GALNT18: variants seen among roughly 807,000 people sequenced by gnomAD.
GALNT18 encodes the protein GalNAc-transferase 18.
In GALNT18, 44 loss-of-function variants were observed where a neutral mutation model predicts 69.5. That is an observed-to-expected ratio of 0.63 (90% CI 0.50 to 0.81). The LOEUF (loss-of-function observed/expected upper bound fraction) is 0.81, where lower values mean the gene tolerates loss of function less well. Among genes scored for constraint, GALNT18 ranks in the 40% least tolerant of loss-of-function variants. GALNT18 has a pLI of 0.00. For missense variants in GALNT18, 715 were observed against 810.0 expected (o/e 0.88, Z 1.42); for synonymous variants, 364 against 318.2 (o/e 1.14, Z -1.53).
rs890716401 is a variant in GALNT18, at chr11:11,621,218, G to C, written c.235+141C>G. ...CCCGAACGCAGGCAGGAGCTCACAC[G>C]CAGGCCCCACGACTACCACGCATCT... is the stretch of plus-strand genomic sequence containing the variant. On this transcript the variant is annotated intron_variant, in intron 1 of 10. Coordinates refer to ENST00000227756, the MANE Select transcript of GALNT18 (RefSeq NM_198516.3). This position sits in a 1 kb window ranked among gnomAD's most constrained non-coding sequence, Gnocchi z 9.3. 3.0e-6 allele frequency: 2 copies of C among 666,798 alleles called. No individual in the cohort carries two copies. Among genetic ancestry groups the C allele is most frequent in the Admixed American group, 2.7e-5 (1 of 36,798 alleles). 41.3% of individuals were successfully genotyped at this position (666,798 alleles called of 1,614,324 possible).
chr11:11,375,460 A>G (rs1435534644), intron 5 of GALNT18, among the ~76,000 whole-genome samples: 1 of 152,234 alleles, frequency 6.6e-6, no homozygotes, highest in African/African-American at 2.4e-5. Flanking sequence ...TTCTGCAGGA[A>G]TGCTCATTGC....
At chr11:11,498,170 A>G (rs1437178354) in intron 1 of GALNT18, among the ~76,000 whole-genome samples, 2 of 152,254 alleles carry the variant, frequency 1.3e-5, no homozygotes, top group Non-Finnish European at 2.9e-5. Context: ...TTTGACAGCC[A>G]TCATTGCTAG....
At chr11:11,561,312 C>T (rs1014140083) in intron 1 of GALNT18, among the ~76,000 whole-genome samples, 2 of 151,906 alleles carry the variant, frequency 1.3e-5, no homozygotes, top group Non-Finnish European at 1.5e-5. Flanking sequence ...CAGGCAAATC[C>T]ATATTCCAGA....
In GALNT18 at chr11:11,314,179, G is replaced by A. The variant is rs554549111; in HGVS notation, c.1512+12907C>T. Among the ~76,000 whole-genome samples the A allele has an allele frequency of 6.6e-6, 1 of 152,236 alleles. No homozygotes were observed. The highest frequency in any genetic ancestry group is 2.4e-5 in the African/African-American group (1 of 41,534). On this transcript the variant is annotated intron_variant, in intron 9 of 10. Coordinates refer to ENST00000227756, the MANE Select transcript of GALNT18 (RefSeq NM_198516.3). This position sits in a 1 kb window ranked among gnomAD's most constrained non-coding sequence, Gnocchi z 5.2. ...AAGCAAGACTGTCCAAAGAACGGTG[G>A]GTGGAGGGCAAGAGACTCAGCCCCT...
In GALNT18 at chr11:11,373,015, A is replaced by G. The variant is rs114140266; in HGVS notation, c.978-386T>C. Among the ~76,000 whole-genome samples the G allele has an allele frequency of 5.2e-3, 795 of 152,122 alleles. 6 individuals carry two copies. Among genetic ancestry groups the G allele is most frequent in the African/African-American group, 0.018 (742 of 41,514 alleles). On this transcript the variant is annotated intron_variant, in intron 5 of 10. Transcript: ENST00000227756. ...ATACCAGCTTTCTTACCCTTCCCCAACTTGGAATCTGTATGTCATCCTTGG... is the reference window on the plus strand; with the variant it reads ...ATACCAGCTTTCTTACCCTTCCCCAGCTTGGAATCTGTATGTCATCCTTGG...
intron 6 of GALNT18, among the ~76,000 whole-genome samples, chr11:11,354,628 C>T (rs1016751056): frequency 6.6e-6 from 1 of 152,150 alleles, no homozygotes; most frequent in African/African-American, 2.4e-5. Context: ...CCCTAAGTAT[C>T]AGCTATAATT....
At chr11:11,474,518 C>A (rs554163516) in intron 1 of GALNT18, among the ~76,000 whole-genome samples, 70 of 152,234 alleles carry the variant, frequency 4.6e-4, no homozygotes, top group Non-Finnish European at 5.9e-4. Context: ...ATTGAAAGTT[C>A]AAAAGAATGA....
At position 11,339,853 on chromosome 11, in the gene GALNT18, G is replaced by A. The variant is rs911036633; in HGVS notation, c.1278+966C>T. Among the ~76,000 whole-genome samples, 3 of 152,130 alleles carry A rather than the reference G, an allele frequency of 2.0e-5. No homozygotes were observed. The highest frequency in any genetic ancestry group is 4.8e-5 in the African/African-American group (2 of 41,414). On this transcript the variant is annotated intron_variant, in intron 7 of 10. Coordinates refer to ENST00000227756, the MANE Select transcript of GALNT18 (RefSeq NM_198516.3). This position sits in a 1 kb window ranked among gnomAD's most constrained non-coding sequence, Gnocchi z 5.2. Reference sequence around the variant, plus strand: ...CAACTTCCTCAATCATTTAACCAGAGCAACATTAGCTTGGTGTAGAGTTTA... The same window carrying A: ...CAACTTCCTCAATCATTTAACCAGAACAACATTAGCTTGGTGTAGAGTTTA...
At position 11,383,688 on chromosome 11, in the gene GALNT18, C is replaced by A. The variant is rs569276955; in HGVS notation, c.596-4424G>T. Among the ~76,000 whole-genome samples the A allele has an allele frequency of 1.9e-4, 29 of 152,234 alleles. No homozygotes were observed. In the South Asian group the frequency reaches 5.8e-3, roughly 31 times the overall value. On this transcript the variant is annotated intron_variant, in intron 3 of 10. Coordinates refer to ENST00000227756, the MANE Select transcript of GALNT18 (RefSeq NM_198516.3). This position sits in a 1 kb window ranked among gnomAD's most constrained non-coding sequence, Gnocchi z 5.2. Reference sequence around the variant, plus strand: ...ATATGATTTGACTCTGTGTCCCCACCCAAATCTCATCTTGAATTGTAATCC... The same window carrying A: ...ATATGATTTGACTCTGTGTCCCCACACAAATCTCATCTTGAATTGTAATCC...
intron 8 of GALNT18, among the ~76,000 whole-genome samples, chr11:11,330,121 T>C (rs1849992699): frequency 6.6e-6 from 1 of 152,100 alleles, no homozygotes; most frequent in South Asian, 2.1e-4. Flanking sequence ...GCCCACACGA[T>C]GGGGCCCACA....
chr11:11,519,479 C>G (rs1857348363), intron 1 of GALNT18, among the ~76,000 whole-genome samples: 1 of 152,150 alleles, frequency 6.6e-6, no homozygotes, highest in Non-Finnish European at 1.5e-5. Flanking sequence ...CTGTTTGATG[C>G]AGTCCGTAGA....
At position 11,605,288 on chromosome 11, in the gene GALNT18, C is replaced by T. The variant is rs1859722289; in HGVS notation, c.235+16071G>A. ...AGTTCCAGGCTGCCCACCTTGACAC[C>T]TGGGCCATCTCCTCAAGGGATTTCC... is the stretch of plus-strand genomic sequence containing the variant. On this transcript the variant is annotated intron_variant, in intron 1 of 10. Coordinates refer to ENST00000227756, the MANE Select transcript of GALNT18 (RefSeq NM_198516.3). The surrounding 1 kb of genome is among the most constrained non-coding windows in gnomAD (Gnocchi z 4.7). Among the ~76,000 whole-genome samples, 1 of 152,162 alleles carries T rather than the reference C, an allele frequency of 6.6e-6. No homozygotes were observed. Among genetic ancestry groups the T allele is most frequent in the African/African-American group, 2.4e-5 (1 of 41,434 alleles).
At chr11:11,568,733 G>A (rs544115753) in intron 1 of GALNT18, among the ~76,000 whole-genome samples, 24 of 152,220 alleles carry the variant, frequency 1.6e-4, no homozygotes, top group African/African-American at 5.5e-4. Flanking sequence ...TTAAAACCAC[G>A]GAGTCTCTAA....
chr11:11,386,938 C>G (rs1344735483), intron 3 of GALNT18, among the ~76,000 whole-genome samples: 10 of 152,176 alleles, frequency 6.6e-5, no homozygotes, highest in African/African-American at 2.4e-4. Context: ...GAGTCTGATT[C>G]AATAGATCTG....
chr11:11,308,559 G>A (rs1318676564), intron 9 of GALNT18, among the ~76,000 whole-genome samples: 2 of 151,896 alleles, frequency 1.3e-5, no homozygotes, highest in African/African-American at 4.8e-5. Context: ...ACCAAACAAG[G>A]CTCTTCCTGG....
Position 11,511,121 on chromosome 11 carries a change from C to CG in GALNT18, c.236-62186dup, listed in dbSNP as rs934390247. 3.9e-5 allele frequency among the ~76,000 whole-genome samples: 6 copies of CG among 152,098 alleles called. No individual in the cohort carries two copies. Among genetic ancestry groups the CG allele is most frequent in the Non-Finnish European group, 8.8e-5 (6 of 68,006 alleles). ...GGCTGCAGCTGAAGGCCTTCTCTCC[C>CG]GGGGGTTGTAAAAACAGGCTGCCCC... On this transcript the variant is annotated intron_variant, in intron 1 of 10. Coordinates refer to ENST00000227756, the MANE Select transcript of GALNT18 (RefSeq NM_198516.3). The surrounding 1 kb of genome is among the most constrained non-coding windows in gnomAD (Gnocchi z 4.9).
chr11:11,613,075 A>G lies in GALNT18; in HGVS notation c.235+8284T>C, dbSNP rs576541101. 1.2e-4 allele frequency among the ~76,000 whole-genome samples: 18 copies of G among 152,346 alleles called. No homozygotes were observed. The highest frequency in any genetic ancestry group is 3.8e-4 in the African/African-American group (16 of 41,580). On this transcript the variant is annotated intron_variant, in intron 1 of 10. Transcript: ENST00000227756. The surrounding 1 kb of genome is among the most constrained non-coding windows in gnomAD (Gnocchi z 4.2). ...TAAACCTTCCAAAAACTGAAATTGAATGTCAGGCAGTGAAAGAGAACTACA... is the reference window on the plus strand; with the variant it reads ...TAAACCTTCCAAAAACTGAAATTGAGTGTCAGGCAGTGAAAGAGAACTACA...
At chr11:11,495,469 G>C (rs1035284910) in intron 1 of GALNT18, among the ~76,000 whole-genome samples, 1 of 152,158 alleles carries the variant, frequency 6.6e-6, no homozygotes, top group East Asian at 1.9e-4. Context: ...CAAAAACAGG[G>C]TTGTTGGTCC....
chr11:11,548,084 G>A (rs1419871437), intron 1 of GALNT18, among the ~76,000 whole-genome samples: 5 of 152,212 alleles, frequency 3.3e-5, no homozygotes, highest in African/African-American at 1.2e-4. Flanking sequence ...CATGATGCAA[G>A]ATGCCAGGAC....
Sources: allele counts gnomAD v4.1 joint callset (sites outside exome capture counted in the v4.1 genomes callset), GRCh38; gene constraint gnomAD v4.1.1; non-coding constraint Gnocchi (gnomAD v3.1); transcripts MANE v1.5; gene names NCBI Gene and HGNC (gene_info 2026-07-23, HGNC 2026-07-21).